TMEM67: variants seen among roughly 807,000 people sequenced by gnomAD.
TMEM67 encodes the protein meckelin.
TMEM67 carries 124 observed loss-of-function variants against 136.6 expected under a neutral mutation model. The observed-to-expected ratio is 0.91, with a 90% CI of 0.78 to 1.05. The LOEUF (loss-of-function observed/expected upper bound fraction) is 1.05, where lower values mean the gene tolerates loss of function less well. Among genes scored for constraint, TMEM67 ranks in the 50% least tolerant of loss-of-function variants. The probability of loss-of-function intolerance (pLI) is 0.00; values close to 1 mark genes in which losing one functional copy is unlikely to be tolerated. For synonymous variants in TMEM67, 364 were observed against 390.5 expected, an observed-to-expected ratio of 0.93 and a Z score of 0.80; for missense variants, 1,107 against 1,178.4, an observed-to-expected ratio of 0.94 and a Z score of 0.89.
rs1814591745 is a variant in TMEM67, at chr8:93,795,894, A to T, written c.1774-7A>T. 5.1e-6 allele frequency: 8 copies of T among 1,573,192 alleles called. No homozygotes were observed. In the Middle Eastern group the frequency reaches 8.3e-4, roughly 164 times the overall value. On this transcript the variant is annotated splice_region_variant and splice_polypyrimidine_tract_variant and intron_variant, in intron 17 of 27. Transcript: ENST00000453321. Reference sequence around the variant, plus strand: ...GATAATATTTAATCAAGTAATTTTTATTATAGGCACAGAAGTCTGTGTCTG... The same window carrying T: ...GATAATATTTAATCAAGTAATTTTTTTTATAGGCACAGAAGTCTGTGTCTG...
intron 6 of TMEM67, among the ~76,000 whole-genome samples, chr8:93,767,863 C>CTT (rs200241819): frequency 1.1e-4 from 12 of 109,916 alleles, no homozygotes; most frequent in Admixed American, 2.0e-4. Context: ...TTTCTTTTTT[C>CTT]TTTTTTTTTT....
chr8:93,818,142 A>G (rs540548299), downstream of TMEM67: 102 of 152,306 alleles, frequency 6.7e-4, no homozygotes, highest in African/African-American at 2.3e-3. Context: ...TCCTTTGTTC[A>G]CATTGTCACA....
chr8:93,828,632 C>T, the TMEM67 span, among the ~76,000 whole-genome samples: 8 of 151,102 alleles, frequency 5.3e-5, no homozygotes, highest in East Asian at 5.9e-4. Flanking sequence ...CCCAGCTACT[C>T]GGGGGGTGGG....
chr8:93,782,156 C>T lies in TMEM67; in HGVS notation c.1066-239C>T, dbSNP rs79121614. ...GTCTTGATCTCCTGACCTCGTGATCCGCCCTTCTTGGCCTCCCAAAGCGCT... is the reference window on the plus strand; with the variant it reads ...GTCTTGATCTCCTGACCTCGTGATCTGCCCTTCTTGGCCTCCCAAAGCGCT... On this transcript the variant is annotated intron_variant, in intron 10 of 27. Transcript: ENST00000453321. Among the ~76,000 whole-genome samples, 4,656 of 152,184 alleles carry T rather than the reference C, an allele frequency of 0.031. 102 individuals carry two copies. The highest frequency in any genetic ancestry group is 0.049 in the Non-Finnish European group (3,362 of 68,002).
the TMEM67 span, among the ~76,000 whole-genome samples, chr8:93,829,208 A>G: frequency 6.6e-6 from 1 of 152,102 alleles, no homozygotes; most frequent in East Asian, 1.9e-4. Context: ...CTTTCCAGGA[A>G]TGCCTGCACT....
intron 3 of TMEM67, chr8:93,759,942 C>G (rs1812751770): frequency 1.3e-6 from 2 of 1,536,034 alleles, no homozygotes; most frequent in African/African-American, 2.8e-5. Context: ...GCCACCGCAC[C>G]TGACCTTGGC....
intron 6 of TMEM67, among the ~76,000 whole-genome samples, chr8:93,767,346 A>G (rs1465768300): frequency 1.3e-5 from 2 of 152,336 alleles, no homozygotes; most frequent in South Asian, 2.1e-4. Flanking sequence ...CATGACTACC[A>G]TAAAGTTACC....
chr8:93,808,223 A>G (rs1815242984), intron 23 of TMEM67, among the ~76,000 whole-genome samples: 1 of 147,006 alleles, frequency 6.8e-6, no homozygotes, highest in South Asian at 2.1e-4. Flanking sequence ...ACCTAAAAAT[A>G]TATATATGCT....
At chr8:93,760,003 A>T (rs1451824753) in intron 3 of TMEM67, 1 of 1,490,834 alleles carries the variant, frequency 6.7e-7, no homozygotes, top group Non-Finnish European at 9.0e-7. Flanking sequence ...TGTGAGTATT[A>T]CTGAGGGATA....
Position 93,772,660 on chromosome 8 carries a change from G to T in TMEM67, c.714+9G>T. 6.2e-7 allele frequency: 1 copy of T among 1,604,908 alleles called. No homozygotes were observed. Among genetic ancestry groups the T allele is most frequent in the Non-Finnish European group, 8.5e-7 (1 of 1,173,308 alleles). ...CAGCAGCTGCATGTTGGGTAAGTTT[G>T]AATTTTTTAAATAAATTTCATTTTA... On this transcript the variant is annotated intron_variant, in intron 7 of 27. Coordinates refer to ENST00000453321, the MANE Select transcript of TMEM67 (RefSeq NM_153704.6).
In TMEM67 at chr8:93,781,641, T is replaced by C. The variant is rs772264699; in HGVS notation, c.979-17T>C. On this transcript the variant is annotated splice_polypyrimidine_tract_variant and intron_variant, in intron 9 of 27. Transcript: ENST00000453321. ...TTCAGAGTATTTGACCTGATTTTGCTCGTTTTCTTTAATCAGAATACAAAA... is the reference window on the plus strand; with the variant it reads ...TTCAGAGTATTTGACCTGATTTTGCCCGTTTTCTTTAATCAGAATACAAAA... 4.3e-6 allele frequency: 6 copies of C among 1,390,166 alleles called. No individual in the cohort carries two copies. The South Asian group carries it at 7.4e-5, about 17-fold the overall frequency. The allele number at this position is 1,390,166 out of a possible 1,614,324, so 86.1% of individuals were successfully genotyped here.
Position 93,803,627 on chromosome 8 carries a change from T to G in TMEM67, c.2265T>G (p.Tyr755Ter). Reference protein sequence around the residue: ...IIQVVFFAVFYERFIEDKIRQ... With the variant: ...IIQVVFFAVF The stretch of plus-strand genomic sequence containing the variant: ...AGGTCGTGTTCTTTGCTGTCTTTTA[T>G]GAGAGATTTATAGAAGATAAAATTC... The change falls in exon 22 of 28, where the codon TAT (tyrosine) becomes TAG (stop). Residue 755 changes from tyrosine to a stop codon, truncating the protein, a stop_gained. Transcript: ENST00000453321. LOFTEE classifies it high-confidence loss of function. 1 of 1,603,530 alleles carries G rather than the reference T, an allele frequency of 6.2e-7. No homozygotes were observed. Among genetic ancestry groups the G allele is most frequent in the Non-Finnish European group, 8.5e-7 (1 of 1,170,652 alleles).
intron 9 of TMEM67, 51 bp downstream of exon 9, chr8:93,781,033 T>C (rs1333848135): frequency 8.2e-7 from 1 of 1,223,262 alleles, no homozygotes; most frequent in Admixed American, 1.7e-5. Context: ...ATTTATAATT[T>C]TAAAAGGTAA....
rs771859676 is a variant in TMEM67, at chr8:93,780,978, A to G, written c.974A>G (p.Asn325Ser). The stretch of plus-strand genomic sequence containing the variant: ...ACAAATTTCAGTTTTAAAGGAGAAA[A>G]CCAGGTAAAAGTGTCTAATATCATT... ...LPTNFSFKGE[N>S]QNTKLKFVAA... The change falls in exon 9 of 28, where the codon AAC becomes AGC. Residue 325 changes from asparagine to serine, a missense_variant. Transcript: ENST00000453321. 5 of 1,585,766 alleles carry G rather than the reference A, an allele frequency of 3.2e-6. No homozygotes were observed. The South Asian group carries it at 5.5e-5, about 18-fold the overall frequency.
intron 15 of TMEM67, 91 bp from the exon 16 acceptor site, chr8:93,793,107 T>G (rs1291177492): frequency 4.2e-6 from 5 of 1,190,616 alleles, no homozygotes; most frequent in Non-Finnish European, 6.2e-6. Context: ...CACCCCACCA[T>G]TTTTTTGAGC....
chr8:93,809,030 T>C, intron 24 of TMEM67, 27 bp from the exon 25 acceptor site: 2 of 1,542,062 alleles, frequency 1.3e-6, no homozygotes. Context: ...CATAACACTT[T>C]GTATTCATTT....
the TMEM67 span, among the ~76,000 whole-genome samples, chr8:93,828,718 C>T: frequency 6.8e-6 from 1 of 147,716 alleles, no homozygotes; most frequent in Non-Finnish European, 1.5e-5. Flanking sequence ...GCATTCCAGC[C>T]TGGGTGACAG....
chr8:93,816,505 C>G lies in TMEM67; in HGVS notation c.*53C>G. ...AGTATAATCATGGCCAAAAAAAAGTCATGATATCAGGTTAGTTTGCCATAT... is the reference window on the plus strand; with the variant it reads ...AGTATAATCATGGCCAAAAAAAAGTGATGATATCAGGTTAGTTTGCCATAT... On this transcript the variant is annotated 3_prime_UTR_variant, in exon 28 of 28. Coordinates refer to ENST00000453321, the MANE Select transcript of TMEM67 (RefSeq NM_153704.6). 1.0e-6 allele frequency: 1 copy of G among 999,210 alleles called. No individual in the cohort carries two copies. The highest frequency in any genetic ancestry group is 1.6e-6 in the Non-Finnish European group (1 of 635,152). The allele number at this position is 999,210 out of a possible 1,614,324, so 61.9% of individuals were successfully genotyped here.
chr8:93,766,244 G>T (rs1813077172), intron 6 of TMEM67, among the ~76,000 whole-genome samples: 1 of 151,846 alleles, frequency 6.6e-6, no homozygotes, highest in Non-Finnish European at 1.5e-5. Context: ...CTGCCTCAGC[G>T]AGTAGCTGGG....
Sources: gnomAD v4.1 joint callset for allele counts (sites outside exome capture counted in the v4.1 genomes callset) on GRCh38, gnomAD v4.1.1 for gene constraint, MANE v1.5 for transcripts, NCBI Gene and HGNC (gene_info 2026-07-23, HGNC 2026-07-21) for gene names.